The following KLRB1 variants were observed in gnomAD, a reference collection of about 807,000 sequenced individuals.
KLRB1 encodes the protein killer cell lectin-like receptor subfamily B member 1.
A neutral mutation model predicts 33.5 loss-of-function variants in KLRB1; 27 were observed. The observed-to-expected ratio is 0.81, with a 90% CI of 0.59 to 1.11. KLRB1 has a LOEUF of 1.11. Ranked by LOEUF, KLRB1 falls within the 50% of genes most tolerant of loss-of-function variation. KLRB1 has a pLI of 0.00. For synonymous variants in KLRB1, 64 were observed against 88.9 expected, an observed-to-expected ratio of 0.72 and a Z score of 1.58; for missense variants, 241 against 254.1, an observed-to-expected ratio of 0.95 and a Z score of 0.35.
rs10844141 is a variant in KLRB1 at position 9,594,765 on chromosome 12, G to A, written c.*509C>T. On this transcript the variant is annotated 3_prime_UTR_variant, in exon 6 of 6. Transcript: ENST00000229402. ...ACTAGGAGATATATTGGTTGCGGGG[G>A]GCTGTAAAATAGGTGAAAGATAGGT... 64,449 of 152,120 alleles carry A rather than the reference G, an allele frequency of 0.42. 15,302 individuals are homozygous for A. Among genetic ancestry groups the A allele is most frequent in the South Asian group, 0.58 (2,801 of 4,836 alleles). 9.4% of individuals were successfully genotyped at this position (152,120 alleles called of 1,614,324 possible).
chr12:9,599,942 T>A, intron 2 of KLRB1, 101 bp from the exon 3 acceptor site: 1 of 692,988 alleles, frequency 1.4e-6, no homozygotes, highest in Non-Finnish European at 2.6e-6. Flanking sequence ...CTCAACACGC[T>A]TGAATATGGA....
chr12:9,607,381 T>TC (rs1241794601), intron 1 of KLRB1, among the ~76,000 whole-genome samples: 26 of 107,046 alleles, frequency 2.4e-4, no homozygotes, highest in Non-Finnish European at 4.8e-4. Context: ...TCTTTCTTTC[T>TC]TTCTTTCTTT....
chr12:9,607,525 A>G (rs1864636295), intron 1 of KLRB1: 1 of 445,300 alleles, frequency 2.2e-6, no homozygotes. Context: ...TCAGTAAGAC[A>G]AGTGATGTTT....
chr12:9,603,591 A>C (rs1864567878), intron 1 of KLRB1, among the ~76,000 whole-genome samples: 1 of 89,526 alleles, frequency 1.1e-5, no homozygotes, highest in South Asian at 4.8e-4. Context: ...TGCCCGGCTA[A>C]TTTTGTATTT....
intron 2 of KLRB1, among the ~76,000 whole-genome samples, chr12:9,600,557 ATTC>A (rs1864529832): frequency 2.6e-5 from 4 of 152,214 alleles, no homozygotes; most frequent in Non-Finnish European, 5.9e-5. Flanking sequence ...ACTAAGAAAA[ATTC>A]TTCTGCCTTG....
In KLRB1 at chr12:9,595,351, A is replaced by G; in HGVS notation, c.601T>C (p.Tyr201His). The G allele has an allele frequency of 4.3e-6, 7 of 1,612,636 alleles. No homozygotes were observed. The highest frequency in any genetic ancestry group is 5.9e-6 in the Non-Finnish European group (7 of 1,178,812). The change falls in exon 6 of 6, where the codon TAC becomes CAC. Residue 201 changes from tyrosine (Y) to histidine (H), a missense_variant. Transcript: ENST00000229402. ...SISQTSVYSE[Y>H]CSTEIRWICQ... ...ATCCATCTGATTTCTGTACTACAGT[A>G]CTCAGAATACACAGATGTCTGTGAG...
In KLRB1 at chr12:9,602,122, T is replaced by C. The variant is rs771701600; in HGVS notation, c.86-523A>G. On this transcript the variant is annotated intron_variant, in intron 1 of 5. Transcript: ENST00000229402. ...GTTGTCTAGAACAATCATCTCCAAG[T>C]TGGGTCTAAGCCAACTTGGGATCCC... Among the ~76,000 whole-genome samples the C allele has an allele frequency of 2.6e-5, 4 of 152,232 alleles. No individual in the cohort carries two copies. In the East Asian group the frequency reaches 5.8e-4, roughly 22 times the overall value.
chr12:9,598,635 T>C lies in KLRB1; in HGVS notation c.278A>G (p.Asn93Ser), dbSNP rs144354266. ...NKTTERPGLL[N>S]CPIYWQQLRE... ...GAGTTGCTGCCAATATATTGGGCAG[T>C]TTAAGAGACCCGGTCTCTCTAAAGT... Residue 93 changes from asparagine to serine, a missense_variant, in exon 4 of 6, where the codon AAC becomes AGC. By Grantham distance (46) the Asn-to-Ser change is conservative. Coordinates refer to ENST00000229402, the MANE Select transcript of KLRB1 (RefSeq NM_002258.3). The C allele has an allele frequency of 1.5e-4, 243 of 1,611,324 alleles. No homozygotes were observed. The highest frequency in any genetic ancestry group is 1.9e-4 in the Non-Finnish European group (229 of 1,178,584).
intron 1 of KLRB1, among the ~76,000 whole-genome samples, chr12:9,606,643 A>C (rs1864602254): frequency 9.7e-6 from 1 of 103,112 alleles, no homozygotes; most frequent in Admixed American, 1.1e-4. Flanking sequence ...CATTAAGCCT[A>C]CACTTTATAT....
At chr12:9,602,440 A>G (rs1864556362) in intron 1 of KLRB1, among the ~76,000 whole-genome samples, 1 of 152,174 alleles carries the variant, frequency 6.6e-6, no homozygotes, top group South Asian at 2.1e-4. Context: ...ATTTATAAAA[A>G]TATTTTGGAG....
At chr12:9,603,816 A>G (rs1481370696) in intron 1 of KLRB1, among the ~76,000 whole-genome samples, 2 of 152,156 alleles carry the variant, frequency 1.3e-5, no homozygotes, top group Non-Finnish European at 1.5e-5. Flanking sequence ...CCGATCTAGC[A>G]AATCTGAATG....
Position 9,595,221 on chromosome 12 carries a change from A to G in KLRB1, c.*53T>C, listed in dbSNP as rs1864481915. On this transcript the variant is annotated 3_prime_UTR_variant, in exon 6 of 6. Coordinates refer to ENST00000229402, the MANE Select transcript of KLRB1 (RefSeq NM_002258.3). ...GGTAGTACCAATAGTATGTGCAGCT[A>G]CAAGTACAGAGATCAGTAATGGGAA... 2.6e-6 allele frequency: 4 copies of G among 1,527,500 alleles called. No homozygotes were observed. The highest frequency in any genetic ancestry group is 3.6e-6 in the Non-Finnish European group (4 of 1,104,368). The allele number at this position is 1,527,500 out of a possible 1,614,324, so 94.6% of individuals were successfully genotyped here. A position where few individuals can be genotyped will look rare whatever the true frequency, so the allele number is the denominator to read the frequency against.
At chr12:9,599,203 T>G (rs1864518239) in intron 3 of KLRB1, among the ~76,000 whole-genome samples, 1 of 152,240 alleles carries the variant, frequency 6.6e-6, no homozygotes, top group South Asian at 2.1e-4. Context: ...CTACTTAATG[T>G]GATCTATTGG....
At chr12:9,600,524 TAGG>T (rs1251320912) in intron 2 of KLRB1, among the ~76,000 whole-genome samples, 4 of 152,204 alleles carry the variant, frequency 2.6e-5, no homozygotes, top group Admixed American at 6.5e-5. Context: ...GAAGTAGACA[TAGG>T]AGACTCCTTT....
chr12:9,606,785 C>G (rs1405571019), intron 1 of KLRB1, among the ~76,000 whole-genome samples: 1 of 90,184 alleles, frequency 1.1e-5, no homozygotes, highest in Non-Finnish European at 2.2e-5. Flanking sequence ...TTGAGATAGT[C>G]TTGCTGTGTC....
chr12:9,602,434 A>T (rs910602624), intron 1 of KLRB1, among the ~76,000 whole-genome samples: 1 of 152,156 alleles, frequency 6.6e-6, no homozygotes, highest in Non-Finnish European at 1.5e-5. Context: ...AGAGAGATTT[A>T]TAAAAATATT....
chr12:9,601,501 C>T lies in KLRB1; in HGVS notation c.184G>A (p.Val62Met). ...VLVVTGLSVS[V>M]TSLIQKSSIE... The stretch of plus-strand genomic sequence containing the variant: ...AAACAGATGATGGTGCCCCACTTAC[C>T]TGAAACACTCAACCCAGTAACAACC... Residue 62 changes from valine (V) to methionine (M), a missense_variant and splice_region_variant, in exon 2 of 6, where the codon GTG becomes ATG. Transcript: ENST00000229402. 2 of 1,607,220 alleles carry T rather than the reference C, an allele frequency of 1.2e-6. No homozygotes were observed. The highest frequency in any genetic ancestry group is 1.7e-6 in the Non-Finnish European group (2 of 1,173,820).
At chr12:9,602,140 G>C (rs1864553184) in intron 1 of KLRB1, among the ~76,000 whole-genome samples, 1 of 152,080 alleles carries the variant, frequency 6.6e-6, no homozygotes, top group African/African-American at 2.4e-5. Flanking sequence ...AAGCCAACTT[G>C]GGATCCCAAG....
chr12:9,603,299 A>G (rs184812612), intron 1 of KLRB1, among the ~76,000 whole-genome samples: 50 of 152,238 alleles, frequency 3.3e-4, no homozygotes, highest in African/African-American at 1.2e-3. Flanking sequence ...TTCCAGTTTT[A>G]TATATGTACG....
Sources: allele counts gnomAD v4.1 joint callset (sites outside exome capture counted in the v4.1 genomes callset), GRCh38; gene constraint gnomAD v4.1.1; transcripts MANE v1.5; gene names NCBI Gene and HGNC (gene_info 2026-07-23, HGNC 2026-07-21).